Variants in PLIN2 observed in about 807,000 individuals in gnomAD.
The protein encoded by PLIN2 is perilipin-2.
A neutral mutation model predicts 30.6 loss-of-function variants in PLIN2; 33 were observed. The observed-to-expected ratio is 1.08, with a 90% CI of 0.82 to 1.44. The LOEUF is 1.44. Ranked by LOEUF, PLIN2 falls within the 40% of genes most tolerant of loss-of-function variation. The pLI is 0.00. For missense variants in PLIN2, 610 were observed against 531.8 expected (o/e 1.15, Z -1.45); for synonymous variants, 205 against 201.1 (o/e 1.02, Z -0.16).
chr9:19,115,380 T>C (rs1421449289), downstream of PLIN2, among the ~76,000 whole-genome samples: 1 of 151,586 alleles, frequency 6.6e-6, no homozygotes, highest in Non-Finnish European at 1.5e-5. Context: ...CTATCTCGGC[T>C]CACTGCAAGC....
Position 19,116,077 on chromosome 9 carries a change from C to T in PLIN2, c.*171G>A, listed in dbSNP as rs1384083266. 2.2e-5 allele frequency: 12 copies of T among 549,096 alleles called. No individual in the cohort carries two copies. In the East Asian group the frequency reaches 3.6e-4, roughly 16 times the overall value. 34.0% of individuals were successfully genotyped at this position (549,096 alleles called of 1,614,324 possible). On this transcript the variant is annotated 3_prime_UTR_variant, in exon 8 of 8. Transcript: ENST00000276914. Reference sequence around the variant, plus strand: ...TTCTTACCAGGTGAACAGAAATCATCTGCTAATGCCAGAAACTTTAAAGCT... The same window carrying T: ...TTCTTACCAGGTGAACAGAAATCATTTGCTAATGCCAGAAACTTTAAAGCT...
chr9:19,116,561 C>T lies in PLIN2; in HGVS notation c.1001G>A (p.Gly334Asp), dbSNP rs766609614. The change falls in exon 8 of 8, where the codon GGT becomes GAT. Residue 334 changes from glycine (G) to aspartate (D), a missense_variant. Coordinates refer to ENST00000276914, the MANE Select transcript of PLIN2 (RefSeq NM_001122.4). ...TCHTLLSNIQ[G>D]VPQNIQDQAK... ...TTGATCTTGGATGTTCTGTGGTACA[C>T]CTTGGATGTTGGACAGGAGGGTGTG... is the stretch of plus-strand genomic sequence containing the variant. The T allele has an allele frequency of 5.0e-6, 8 of 1,614,000 alleles. No individual in the cohort carries two copies. The highest frequency in any genetic ancestry group is 6.8e-6 in the Non-Finnish European group (8 of 1,180,040).
At chr9:19,125,983 C>G (rs1278230835) in intron 3 of PLIN2, 131 bp downstream of exon 3, 1 of 655,920 alleles carries the variant, frequency 1.5e-6, no homozygotes, top group Non-Finnish European at 2.6e-6. Context: ...ATGAGGGTCA[C>G]CTGAAAGTTT....
At chr9:19,117,621 CTT>C (rs756616642) in intron 7 of PLIN2, among the ~76,000 whole-genome samples, 24 of 137,306 alleles carry the variant, frequency 1.7e-4, no homozygotes, top group Admixed American at 1.5e-4. Context: ...CATATGTTTT[CTT>C]TTTTTTTTTT....
chr9:19,121,167 T>G lies in PLIN2; in HGVS notation c.310-2A>C. The G allele has an allele frequency of 6.2e-7, 1 of 1,613,378 alleles. No individual in the cohort carries two copies. Among genetic ancestry groups the G allele is most frequent in the East Asian group, 2.2e-5 (1 of 44,866 alleles). On this transcript the variant is annotated splice_acceptor_variant, in intron 4 of 7. Transcript: ENST00000276914. LOFTEE classifies it high-confidence loss of function. Reference sequence around the variant, plus strand: ...AGCGCCTTTGGCATTGGCAACAATCTGTAAGTAGAAAAGCAGATCCCCTGG... The same window carrying G: ...AGCGCCTTTGGCATTGGCAACAATCGGTAAGTAGAAAAGCAGATCCCCTGG...
chr9:19,124,294 ACT>A lies in PLIN2; in HGVS notation c.227-649_227-648del, dbSNP rs774427891. Among the ~76,000 whole-genome samples the A allele has an allele frequency of 2.0e-5, 3 of 151,958 alleles. No homozygotes were observed. The South Asian group carries it at 6.2e-4, about 32-fold the overall frequency. On this transcript the variant is annotated intron_variant, in intron 3 of 7. Transcript: ENST00000276914. ...CATTCAGAGAATAAGGTATCTGGAAACTCTCTCAAAATCGGCATTCCCATGCT... is the reference window on the plus strand; with the variant it reads ...CATTCAGAGAATAAGGTATCTGGAAACTCTCAAAATCGGCATTCCCATGCT...
At chr9:19,126,065 TC>T in intron 3 of PLIN2, 48 bp downstream of exon 3, 1 of 1,506,086 alleles carries the variant, frequency 6.6e-7, no homozygotes, top group Non-Finnish European at 9.2e-7. Flanking sequence ...GCTCAGGGGC[TC>T]GCCACTGACC....
At position 19,126,238 on chromosome 9, in the gene PLIN2, G is replaced by T; in HGVS notation, c.102C>A (p.Leu34=). 5 of 1,614,096 alleles carry T rather than the reference G, an allele frequency of 3.1e-6. No individual in the cohort carries two copies. The highest frequency in any genetic ancestry group is 4.2e-6 in the Non-Finnish European group (5 of 1,179,960). The stretch of plus-strand genomic sequence containing the variant: ...GGTAGGGATACTGGTCCTTTGTACT[G>T]AGATAGGCTGAGGACATGAGGTCAT... ...STYDLMSSAY[L]STKDQYPYLK... is the part of the protein sequence containing the mutation. Residue 34 remains leucine, a synonymous_variant, in exon 3 of 8, where the codon CTC becomes CTA. Transcript: ENST00000276914.
At position 19,121,047 on chromosome 9, in the gene PLIN2, C is replaced by T. The variant is rs760473826; in HGVS notation, c.428G>A (p.Gly143Glu). 2.5e-6 allele frequency: 4 copies of T among 1,614,174 alleles called. No individual in the cohort carries two copies. In the South Asian group the frequency reaches 4.4e-5, roughly 18 times the overall value. The change falls in exon 5 of 8, where the codon GGG becomes GAG. Residue 143 changes from glycine (G) to glutamate (E), a missense_variant. Transcript: ENST00000276914. ...CTTCTCCACACTGCCAGTCACTGCCCCTTTGGTCTTGTCCATCACCCCTGT... is the reference window on the plus strand; with the variant it reads ...CTTCTCCACACTGCCAGTCACTGCCTCTTTGGTCTTGTCCATCACCCCTGT... The part of the protein sequence containing the change: ...TITGVMDKTK[G>E]AVTGSVEKTK...
Position 19,127,252 on chromosome 9 carries a change from G to T in PLIN2, c.-23+167C>A, listed in dbSNP as rs974712187. ...TACCCAGCCAGGACCTGGAAGCCGC[G>T]AGGCGAGCGGGGGGTCTCGGACCAT... On this transcript the variant is annotated intron_variant, in intron 1 of 7. Coordinates refer to ENST00000276914, the MANE Select transcript of PLIN2 (RefSeq NM_001122.4). The surrounding 1 kb of genome is among the most constrained non-coding windows in gnomAD (Gnocchi z 4.3). 2.6e-5 allele frequency among the ~76,000 whole-genome samples: 4 copies of T among 151,968 alleles called. No homozygotes were observed. The highest frequency in any genetic ancestry group is 9.7e-5 in the African/African-American group (4 of 41,370).
downstream of PLIN2, among the ~76,000 whole-genome samples, chr9:19,111,017 C>G (rs1429169800): frequency 9.2e-5 from 14 of 152,132 alleles, no homozygotes; most frequent in Non-Finnish European, 2.1e-4. Context: ...CCCTCGACTG[C>G]CTTCCTATCA....
chr9:19,120,853 A>T lies in PLIN2; in HGVS notation c.595+27T>A, dbSNP rs538102906. ...GTTTAAGAAAGATTTAATATAAAAC[A>T]GTATTTCAAGATAAAATTCCAGTTA... On this transcript the variant is annotated intron_variant, in intron 5 of 7. Transcript: ENST00000276914. The T allele has an allele frequency of 5.4e-5, 84 of 1,552,534 alleles. 1 individual carries two copies. The South Asian group carries it at 8.9e-4, about 16-fold the overall frequency.
intron 3 of PLIN2, 143 bp downstream of exon 3, chr9:19,125,971 T>G: frequency 1.7e-6 from 1 of 603,352 alleles, no homozygotes. Context: ...CCTCTTACGG[T>G]AATGAGGGTC....
At chr9:19,123,240 T>C in intron 4 of PLIN2, 1 of 946,228 alleles carries the variant, frequency 1.1e-6, no homozygotes, top group Non-Finnish European at 1.6e-6. Flanking sequence ...AAAGGTTATA[T>C]ATATCACGTC....
At chr9:19,126,609 T>C (rs1051608721) in intron 1 of PLIN2, among the ~76,000 whole-genome samples, 161 bp from the exon 2 acceptor site, 14 of 152,154 alleles carry the variant, frequency 9.2e-5, no homozygotes, top group Non-Finnish European at 2.1e-4. Flanking sequence ...GTCCCCCTCC[T>C]GAAAGACCCA....
chr9:19,115,027 G>T (rs1054455662), downstream of PLIN2, among the ~76,000 whole-genome samples: 3 of 152,150 alleles, frequency 2.0e-5, no homozygotes, highest in African/African-American at 7.2e-5. Flanking sequence ...GCTTTAACTG[G>T]TTCCCTGGCA....
chr9:19,109,972 A>C (rs942006853), intron 2 of PLIN2, among the ~76,000 whole-genome samples: 1 of 151,240 alleles, frequency 6.6e-6, no homozygotes, highest in Non-Finnish European at 1.5e-5. Flanking sequence ...AAAAAAAAAA[A>C]TCCCTCAAAA....
At chr9:19,117,417 C>T (rs1443713211) in intron 7 of PLIN2, among the ~76,000 whole-genome samples, 2 of 152,008 alleles carry the variant, frequency 1.3e-5, no homozygotes, top group Non-Finnish European at 1.5e-5. Context: ...CCTTGGCCTC[C>T]CAAAATGCTG....
chr9:19,116,103 C>T lies in PLIN2; in HGVS notation c.*145G>A, dbSNP rs1198816502. ...TGCTAATGCCAGAAACTTTAAAGCT[C>T]TTAATTCAGCTGGAAACAACTACAA... On this transcript the variant is annotated 3_prime_UTR_variant, in exon 8 of 8. Coordinates refer to ENST00000276914, the MANE Select transcript of PLIN2 (RefSeq NM_001122.4). 11 of 687,280 alleles carry T rather than the reference C, an allele frequency of 1.6e-5. No homozygotes were observed. Among genetic ancestry groups the T allele is most frequent in the Admixed American group, 1.3e-4 (4 of 31,280 alleles). 42.6% of individuals were successfully genotyped at this position (687,280 alleles called of 1,614,324 possible).
Sources: allele counts gnomAD v4.1 joint callset (sites outside exome capture counted in the v4.1 genomes callset), GRCh38; gene constraint gnomAD v4.1.1; non-coding constraint Gnocchi (gnomAD v3.1); transcripts MANE v1.5; gene names NCBI Gene and HGNC (gene_info 2026-07-23, HGNC 2026-07-21).